ATXN8OS: variants seen among roughly 807,000 people sequenced by gnomAD.
ATXN8OS encodes the protein ATXN8 opposite strand lncRNA, also known as ATXN8 opposite strand (non-protein coding).
At chr13:70,143,905 T>C (rs1888748349) in intron 3 of ATXN8OS, among the ~76,000 whole-genome samples, 1 of 152,136 alleles carries the variant, frequency 6.6e-6, no homozygotes, top group South Asian at 2.1e-4. Flanking sequence ...AATGATATAT[T>C]GAGAAGATTA....
intron 4 of ATXN8OS, among the ~76,000 whole-genome samples, chr13:70,168,804 G>A (rs749684509): frequency 1.1e-4 from 17 of 152,022 alleles, no homozygotes; most frequent in Non-Finnish European, 1.5e-5. Flanking sequence ...GCACCATAGT[G>A]TTAAGGTCTT....
chr13:70,117,795 A>G (rs1238567278), intron 2 of ATXN8OS, among the ~76,000 whole-genome samples: 1 of 152,116 alleles, frequency 6.6e-6, no homozygotes. Context: ...GTCTAAGTAA[A>G]GGTAGATATT....
chr13:70,164,366 A>G (rs1889053234), intron 4 of ATXN8OS, among the ~76,000 whole-genome samples: 2 of 151,810 alleles, frequency 1.3e-5, no homozygotes, highest in African/African-American at 4.8e-5. Flanking sequence ...AGGCAGGCAA[A>G]GCACAGAGTT....
chr13:70,152,679 C>G (rs1270900391), intron 4 of ATXN8OS, among the ~76,000 whole-genome samples: 1 of 151,900 alleles, frequency 6.6e-6, no homozygotes, highest in African/African-American at 2.4e-5. Flanking sequence ...ATTAAGGAAG[C>G]CTCTCACGTC....
rs569808997 is a variant in ATXN8OS, at chr13:70,148,081, G to T, written n.573+653G>T. On this transcript the variant is annotated intron_variant and non_coding_transcript_variant, in intron 4 of 4. Coordinates refer to ENST00000678624, the Ensembl canonical transcript of ATXN8OS. ...CTGGAAGAGAGTTGTGGAAGCCAAG[G>T]TTCTTATCATGTGAAGGAAGCCTCC... 3.3e-5 allele frequency among the ~76,000 whole-genome samples: 5 copies of T among 152,190 alleles called. No homozygotes were observed. The South Asian group carries it at 1.0e-3, about 32-fold the overall frequency.
intron 3 of ATXN8OS, among the ~76,000 whole-genome samples, chr13:70,142,876 C>A (rs1355801187): frequency 6.6e-6 from 1 of 152,100 alleles, no homozygotes; most frequent in Non-Finnish European, 1.5e-5. Flanking sequence ...GATTTTGAGA[C>A]CAACCTGACC....
intron 3 of ATXN8OS, among the ~76,000 whole-genome samples, chr13:70,134,765 C>A (rs899064279): frequency 2.0e-5 from 3 of 152,178 alleles, no homozygotes; most frequent in Non-Finnish European, 4.4e-5. Flanking sequence ...CAACACAGGG[C>A]AACTGGCTTA....
At chr13:70,130,715 A>T in intron 3 of ATXN8OS, 1 of 398,504 alleles carries the variant, frequency 2.5e-6, no homozygotes, top group Non-Finnish European at 4.4e-6. Context: ...AAAACATTTA[A>T]ATATATCTGG....
At chr13:70,117,378 C>A (rs1161070658) in intron 2 of ATXN8OS, among the ~76,000 whole-genome samples, 1 of 151,956 alleles carries the variant, frequency 6.6e-6, no homozygotes, top group Non-Finnish European at 1.5e-5. Flanking sequence ...ATGAAAAAAA[C>A]TATGCTTTTT....
At chr13:70,151,057 G>A (rs1242100041) in intron 4 of ATXN8OS, among the ~76,000 whole-genome samples, 1 of 152,032 alleles carries the variant, frequency 6.6e-6, no homozygotes, top group Non-Finnish European at 1.5e-5. Context: ...GCTTGCACTG[G>A]TGAAACCATC....
chr13:70,117,089 C>A (rs759242813), intron 2 of ATXN8OS, among the ~76,000 whole-genome samples: 44 of 152,132 alleles, frequency 2.9e-4, no homozygotes, highest in Admixed American at 2.1e-3. Context: ...TAAACTTGTA[C>A]TTATGCAACA....
chr13:70,166,923 C>G (rs1889082816), intron 4 of ATXN8OS, among the ~76,000 whole-genome samples: 1 of 151,566 alleles, frequency 6.6e-6, no homozygotes, highest in African/African-American at 2.4e-5. Context: ...AAATGCTCAT[C>G]ATCACTGGCC....
chr13:70,107,424 C>T, upstream of ATXN8OS: 2 of 1,611,836 alleles, frequency 1.2e-6, no homozygotes, highest in African/African-American at 1.4e-5. Flanking sequence ...GGGTGCCATT[C>T]AGCGGATTGA....
chr13:70,169,643 T>G (rs1322386508), intron 4 of ATXN8OS, among the ~76,000 whole-genome samples: 1 of 152,038 alleles, frequency 6.6e-6, no homozygotes, highest in East Asian at 1.9e-4. Flanking sequence ...ACTGATGATC[T>G]GTTTAAAGCT....
intron 4 of ATXN8OS, among the ~76,000 whole-genome samples, chr13:70,155,924 T>A (rs938209561): frequency 6.6e-6 from 1 of 152,206 alleles, no homozygotes; most frequent in Non-Finnish European, 1.5e-5. Context: ...CTTATATAAA[T>A]GCTTACCCAT....
chr13:70,110,882 T>C (rs1159858216), intron 1 of ATXN8OS, among the ~76,000 whole-genome samples: 1 of 152,144 alleles, frequency 6.6e-6, no homozygotes, highest in East Asian at 1.9e-4. Context: ...TAAATTAAGA[T>C]TTAAGATAAC....
intron 4 of ATXN8OS, among the ~76,000 whole-genome samples, chr13:70,158,238 T>G (rs959443352): frequency 1.3e-5 from 2 of 152,134 alleles, no homozygotes; most frequent in Middle Eastern, 3.4e-3. Context: ...GCCAATATGG[T>G]GAAACCCTGT....
intron 1 of ATXN8OS, among the ~76,000 whole-genome samples, chr13:70,110,351 A>T (rs1395961240): frequency 6.6e-6 from 1 of 152,170 alleles, no homozygotes; most frequent in Non-Finnish European, 1.5e-5. Flanking sequence ...TTTAAATAAA[A>T]TTCAACTTTA....
intron 2 of ATXN8OS, among the ~76,000 whole-genome samples, chr13:70,127,195 A>G (rs1301818766): frequency 6.6e-6 from 1 of 151,928 alleles, no homozygotes; most frequent in African/African-American, 2.4e-5. Context: ...AATTCTTTCT[A>G]TTATTTGGAT....
Sources: allele counts gnomAD v4.1 joint callset (sites outside exome capture counted in the v4.1 genomes callset), GRCh38; gene constraint gnomAD v4.1.1; transcripts MANE v1.5; gene names NCBI Gene and HGNC (gene_info 2026-07-23, HGNC 2026-07-21).